Variants in RYR2 observed in about 807,000 individuals in gnomAD.
The protein encoded by RYR2 is cardiac muscle ryanodine receptor-calcium release channel.
A neutral mutation model predicts 601.1 loss-of-function variants in RYR2; 227 were observed. The observed-to-expected ratio is 0.38, with a 90% confidence interval of 0.34 to 0.42. RYR2 has a LOEUF of 0.42. Among genes scored for constraint, RYR2 ranks in the 10% least tolerant of loss-of-function variants. The pLI is 1.00. For synonymous variants in RYR2, 2,223 were observed against 2,175.1 expected (o/e 1.02, Z -0.61); for missense variants, 4,646 against 6,156.5 (o/e 0.75, Z 8.21).
intron 1 of RYR2, among the ~76,000 whole-genome samples, chr1:237,081,254 C>T (rs1572561603): frequency 9.8e-6 from 1 of 101,930 alleles, no homozygotes; most frequent in Non-Finnish European, 1.8e-5. Flanking sequence ...ACAATGTGCA[C>T]ATGTACCCTA....
chr1:237,649,914 A>C lies in RYR2; in HGVS notation c.7550A>C (p.Asn2517Thr). Residue 2517 changes from asparagine to threonine, a missense_variant, in exon 50 of 105, where the codon AAT becomes ACT. Physicochemically the swap from Asn to Thr is moderately conservative, Grantham distance 65. This residue lies in a region of RYR2 where 1,497 missense variants were observed against 1,842.6 expected (regional missense o/e 0.81). Coordinates refer to ENST00000366574, the MANE Select transcript of RYR2 (RefSeq NM_001035.3). ...LSATDMALALNRYLCTAVLPL... is the reference protein window; with the variant it reads ...LSATDMALALTRYLCTAVLPL... ...GCTACAGACATGGCCTTGGCCCTCA[A>C]TCGGTACCTTTGCACAGCCGTCTTG... 1 of 1,613,938 alleles carries C rather than the reference A, an allele frequency of 6.2e-7. No individual in the cohort carries two copies. The highest frequency in any genetic ancestry group is 8.5e-7 in the Non-Finnish European group (1 of 1,179,880).
At chr1:237,545,545 T>C (rs1669708505) in intron 25 of RYR2, among the ~76,000 whole-genome samples, 1 of 151,988 alleles carries the variant, frequency 6.6e-6, no homozygotes, top group African/African-American at 2.4e-5. Context: ...TGAAAGAAGA[T>C]TGTGTGCTGG....
intron 14 of RYR2, among the ~76,000 whole-genome samples, chr1:237,450,871 A>T (rs973840463): frequency 1.8e-4 from 28 of 152,124 alleles, no homozygotes; most frequent in African/African-American, 6.5e-4. Flanking sequence ...ACTGACCTTA[A>T]TCATGTATTA....
intron 19 of RYR2, among the ~76,000 whole-genome samples, chr1:237,494,991 A>T (rs368755536): frequency 6.6e-6 from 1 of 151,996 alleles, no homozygotes. Context: ...GGGTTTCACC[A>T]TGTTGGCCAG....
intron 1 of RYR2, among the ~76,000 whole-genome samples, chr1:237,181,826 C>A (rs576393349): frequency 6.6e-6 from 1 of 152,194 alleles, no homozygotes; most frequent in Admixed American, 6.5e-5. Context: ...TTAATGATGA[C>A]CGAATTTTTT....
chr1:237,100,413 G>A (rs908890171), intron 1 of RYR2, among the ~76,000 whole-genome samples: 6 of 149,820 alleles, frequency 4.0e-5, no homozygotes, highest in African/African-American at 1.2e-4. Flanking sequence ...CTCTCTCAGA[G>A]TCTCACTCTT....
At chr1:237,284,764 TA>T (rs1421638386) in intron 2 of RYR2, among the ~76,000 whole-genome samples, 2 of 151,216 alleles carry the variant, frequency 1.3e-5, no homozygotes, top group Admixed American at 1.3e-4. Flanking sequence ...GGCATTTTTT[TA>T]TTATTATTAT....
intron 48 of RYR2, among the ~76,000 whole-genome samples, chr1:237,648,048 G>A (rs765620923): frequency 6.6e-6 from 1 of 152,160 alleles, no homozygotes; most frequent in Non-Finnish European, 1.5e-5. Flanking sequence ...ATCACATAAA[G>A]GTAGATGAGC....
chr1:237,667,965 T>A lies in RYR2; in HGVS notation c.8590+7T>A. 6.4e-7 allele frequency: 1 copy of A among 1,554,714 alleles called. No individual in the cohort carries two copies. Among genetic ancestry groups the A allele is most frequent in the Non-Finnish European group, 8.7e-7 (1 of 1,149,118 alleles). On this transcript the variant is annotated splice_region_variant and intron_variant, in intron 58 of 104. Transcript: ENST00000366574. The stretch of plus-strand genomic sequence containing the variant: ...ATGGAGTTGGAGTCCAAAGGTAATA[T>A]TTTCTAAAAACGTTTATTAAAAAAT...
intron 1 of RYR2, among the ~76,000 whole-genome samples, chr1:237,075,544 AC>A (rs1664928781): frequency 1.0e-5 from 1 of 96,420 alleles, no homozygotes; most frequent in African/African-American, 4.1e-5. Flanking sequence ...GGTCACTCCC[AC>A]CCGAATATTG....
At chr1:237,094,150 T>A (rs1367829804) in intron 1 of RYR2, among the ~76,000 whole-genome samples, 1 of 152,208 alleles carries the variant, frequency 6.6e-6, no homozygotes, top group Non-Finnish European at 1.5e-5. Context: ...CAGATAGAGG[T>A]GTTCCTGGAA....
chr1:237,284,522 G>A (rs1247557828), intron 2 of RYR2, among the ~76,000 whole-genome samples: 8 of 48,408 alleles, frequency 1.7e-4, no homozygotes, highest in African/African-American at 4.6e-4. Flanking sequence ...TATAATATAT[G>A]TATTGTGTGT....
At chr1:237,336,584 G>A (rs897561337) in intron 3 of RYR2, among the ~76,000 whole-genome samples, 1 of 152,158 alleles carries the variant, frequency 6.6e-6, no homozygotes, top group African/African-American at 2.4e-5. Flanking sequence ...GGCTGGGCAC[G>A]GTGGCTCACG....
At chr1:237,706,111 T>C (rs1336545236) in intron 67 of RYR2, among the ~76,000 whole-genome samples, 1 of 151,772 alleles carries the variant, frequency 6.6e-6, no homozygotes, top group East Asian at 1.9e-4. Flanking sequence ...TAGCCGGGCG[T>C]GGTGGTGTGT....
intron 1 of RYR2, among the ~76,000 whole-genome samples, chr1:237,127,408 G>T (rs867298297): frequency 6.7e-6 from 1 of 149,850 alleles, no homozygotes; most frequent in African/African-American, 2.5e-5. Flanking sequence ...CTGGCCGGGC[G>T]GGGGGCTGAC....
At chr1:237,743,528 T>C in intron 80 of RYR2, 3 of 515,648 alleles carry the variant, frequency 5.8e-6, no homozygotes, top group South Asian at 4.2e-5. Context: ...TGCACAGCAT[T>C]TATAGTCTAT....
chr1:237,737,402 A>G (rs1048845509), intron 79 of RYR2, among the ~76,000 whole-genome samples: 1 of 152,222 alleles, frequency 6.6e-6, no homozygotes, highest in Non-Finnish European at 1.5e-5. Context: ...TTAATCAAAC[A>G]CGGTATTCCA....
At chr1:237,135,336 C>T (rs1302089200) in intron 1 of RYR2, among the ~76,000 whole-genome samples, 1 of 150,846 alleles carries the variant, frequency 6.6e-6, no homozygotes, top group Non-Finnish European at 1.5e-5. Context: ...TCTAAAATCA[C>T]ACTGTCCAGC....
At chr1:237,553,756 A>ATTTG (rs59229751) in intron 27 of RYR2, among the ~76,000 whole-genome samples, 134,718 of 151,478 alleles carry the variant, frequency 0.89, 61,014 homozygotes, top group East Asian at 0.97. Flanking sequence ...CTTATACATT[A>ATTTG]TTTGATTTAT....
Sources: gnomAD v4.1 joint callset for allele counts (sites outside exome capture counted in the v4.1 genomes callset) on GRCh38, gnomAD v4.1.1 for gene constraint, gnomAD v4.1.1 regional missense constraint, MANE v1.5 for transcripts, NCBI Gene and HGNC (gene_info 2026-07-23, HGNC 2026-07-21) for gene names.